The following DNAH3 variants were observed in gnomAD, a reference collection of about 807,000 sequenced individuals.
DNAH3 encodes the protein axonemal beta dynein heavy chain 3.
A neutral mutation model predicts 432.5 loss-of-function variants in DNAH3; 332 were observed. The observed-to-expected ratio is 0.77, with a 90% CI of 0.70 to 0.84. DNAH3 has a LOEUF of 0.84. Ranked by LOEUF, DNAH3 falls within the 40% of genes least tolerant of loss-of-function variation. The pLI is 0.00. For missense variants in DNAH3, 4,861 were observed against 5,114.0 expected (o/e 0.95, Z 1.51); for synonymous variants, 1,956 against 1,900.2 (o/e 1.03, Z -0.76).
At chr16:20,979,301 T>C (rs748553606) in intron 50 of DNAH3, 29 bp downstream of exon 50, 1 of 1,610,780 alleles carries the variant, frequency 6.2e-7, no homozygotes. Flanking sequence ...CGGGCCTCTT[T>C]GTCTCTGTTC....
exon 3 of DNAH3, chr16:21,145,380 C>G (rs572236796): frequency 3.1e-6 from 5 of 1,613,886 alleles, no homozygotes; most frequent in South Asian, 2.2e-5. Flanking sequence ...GCATCAAGGG[C>G]GGGTAAAAGC....
At chr16:20,933,381 G>A in exon 62 of DNAH3, 1 of 1,614,220 alleles carries the variant, frequency 6.2e-7, no homozygotes, top group Non-Finnish European at 8.5e-7. Context: ...GGGTCATAGA[G>A]GATTTTGGGG....
chr16:21,152,493 G>C (rs1055137744), intron 1 of DNAH3, among the ~76,000 whole-genome samples: 35 of 152,370 alleles, frequency 2.3e-4, no homozygotes, highest in African/African-American at 7.0e-4. Flanking sequence ...TCCCACTTTG[G>C]CGGCACTTGA....
At chr16:21,143,030 TC>T (rs2092740598) in intron 3 of DNAH3, among the ~76,000 whole-genome samples, 1 of 152,150 alleles carries the variant, frequency 6.6e-6, no homozygotes, top group Non-Finnish European at 1.5e-5. Flanking sequence ...GCAGAAATCA[TC>T]TCAAGCAAGG....
intron 36 of DNAH3, among the ~76,000 whole-genome samples, chr16:21,031,864 C>T (rs1034737520): frequency 3.9e-5 from 6 of 152,108 alleles, no homozygotes; most frequent in Admixed American, 1.3e-4. Context: ...CCTGTCTCCA[C>T]TAAAAATGCA....
chr16:21,122,324 A>G (rs2092361029), intron 9 of DNAH3, among the ~76,000 whole-genome samples, 200 bp from the exon 11 acceptor site: 1 of 152,024 alleles, frequency 6.6e-6, no homozygotes, highest in Non-Finnish European at 1.5e-5. Flanking sequence ...GGAGGCCGAG[A>G]CAGGTGGATC....
chr16:20,987,610 T>C, intron 46 of DNAH3, 83 bp downstream of exon 46: 1 of 1,565,266 alleles, frequency 6.4e-7, no homozygotes, highest in Non-Finnish European at 8.7e-7. Context: ...CTAATAAAAG[T>C]TAGCTATTAC....
At position 20,954,909 on chromosome 16, in the gene DNAH3, G is replaced by A; in HGVS notation, c.10975C>T (p.Gln3659Ter). ...CACATCACCGCCTTTGCACAGCTTT[G>A]GAAGAACACAGGATCTGAGATGGGG... Residue 3659 changes from glutamine to a stop codon, truncating the protein, a stop_gained, in exon 55 of 62, where the codon CAA (glutamine) becomes TAA (stop). Transcript: ENST00000261383. LOFTEE classifies it high-confidence loss of function. The A allele has an allele frequency of 1.2e-6, 2 of 1,614,136 alleles. No individual in the cohort carries two copies. The highest frequency in any genetic ancestry group is 1.7e-6 in the Non-Finnish European group (2 of 1,180,016).
intron 53 of DNAH3, among the ~76,000 whole-genome samples, chr16:20,961,482 C>T (rs901143735): frequency 2.0e-5 from 3 of 149,318 alleles, no homozygotes; most frequent in Non-Finnish European, 3.0e-5. Context: ...TACCCTAGAA[C>T]GTAAAGTATA....
chr16:21,136,689 C>A (rs1163692377), intron 5 of DNAH3, 176 bp from the exon 7 acceptor site: 3 of 624,616 alleles, frequency 4.8e-6, no homozygotes, highest in African/African-American at 3.7e-5. Context: ...AGATCACTGG[C>A]AAATTTTCCC....
At position 21,069,401 on chromosome 16, in the gene DNAH3, G is replaced by GTA. The variant is rs750059768; in HGVS notation, c.3381+12_3381+13dup. On this transcript the variant is annotated intron_variant, in intron 23 of 61. Coordinates refer to ENST00000261383, the Ensembl canonical transcript of DNAH3. ...ATTTCTGCTGGTAAGAGTTATTAGG[G>GTA]TATAAAAACTTACCGCTTGGGACAT... 1 of 1,608,332 alleles carries GTA rather than the reference G, an allele frequency of 6.2e-7. No homozygotes were observed. Among genetic ancestry groups the GTA allele is most frequent in the Admixed American group, 1.7e-5 (1 of 59,356 alleles).
chr16:21,069,704 T>C lies in DNAH3; in HGVS notation c.3202-110A>G. ...TACATTTATTCATTCATTCAGTCTG[T>C]CACTTGTTTAACAAATACTTATTGA... On this transcript the variant is annotated intron_variant, in intron 22 of 61. Transcript: ENST00000261383. The C allele has an allele frequency of 1.6e-5, 16 of 981,240 alleles. No individual in the cohort carries two copies. The South Asian group carries it at 2.7e-4, about 16-fold the overall frequency. 60.8% of individuals were successfully genotyped at this position (981,240 alleles called of 1,614,324 possible). A position where few individuals can be genotyped will look rare whatever the true frequency, so the allele number is the denominator to read the frequency against.
rs546612320 is a variant in DNAH3 at position 21,000,638 on chromosome 16, C to T, written c.6127-120G>A. ...CCCTTACTATCTTTATGACCTTAGG[C>T]GAGTCTTTAACCTCTCCATGGGCCT... On this transcript the variant is annotated intron_variant, in intron 42 of 61. Transcript: ENST00000261383. The T allele has an allele frequency of 4.7e-5, 42 of 901,678 alleles. No homozygotes were observed. In the Middle Eastern group the frequency reaches 3.9e-3, roughly 83 times the overall value. 55.9% of individuals were successfully genotyped at this position (901,678 alleles called of 1,614,324 possible). A position where few individuals can be genotyped will look rare whatever the true frequency, so the allele number is the denominator to read the frequency against.
At chr16:21,091,326 A>G (rs2091528148) in intron 18 of DNAH3, among the ~76,000 whole-genome samples, 1 of 152,064 alleles carries the variant, frequency 6.6e-6, no homozygotes, top group Admixed American at 6.6e-5. Context: ...AACCCCATAA[A>G]TATACATAAC....
chr16:21,121,025 C>T, intron 10 of DNAH3: 2 of 699,734 alleles, frequency 2.9e-6, no homozygotes, highest in Non-Finnish European at 5.2e-6. Flanking sequence ...AATGCTTGGG[C>T]CTCCTTGCAC....
intron 41 of DNAH3, among the ~76,000 whole-genome samples, chr16:21,018,932 T>G (rs2088000820): frequency 6.6e-6 from 1 of 151,786 alleles, no homozygotes; most frequent in Non-Finnish European, 1.5e-5. Context: ...AAAGAAATAT[T>G]AATACCATAA....
intron 5 of DNAH3, among the ~76,000 whole-genome samples, chr16:21,137,827 T>G (rs1407703331): frequency 6.6e-6 from 1 of 152,218 alleles, no homozygotes; most frequent in East Asian, 1.9e-4. Flanking sequence ...CAGGAAATTT[T>G]GTATATTTAG....
Position 20,982,889 on chromosome 16 carries a change from A to C in DNAH3, c.7691T>G (p.Leu2564Ter). The C allele has an allele frequency of 1.2e-6, 2 of 1,613,712 alleles. No homozygotes were observed. The highest frequency in any genetic ancestry group is 1.7e-6 in the Non-Finnish European group (2 of 1,179,766). The change falls in exon 49 of 62, where the codon TTA becomes TGA. Residue 2564 changes from leucine (L) to a stop codon, truncating the protein, a stop_gained. Transcript: ENST00000261383. LOFTEE classifies it high-confidence loss of function. Reference sequence around the variant, plus strand: ...GGCATCCCCTATTGGACTCATGGCTAATGAAAAGGAGATTTTGTTAATTAC... The same window carrying C: ...GGCATCCCCTATTGGACTCATGGCTCATGAAAAGGAGATTTTGTTAATTAC...
intron 41 of DNAH3, among the ~76,000 whole-genome samples, chr16:21,006,988 C>T (rs999817492): frequency 2.6e-5 from 4 of 152,138 alleles, no homozygotes; most frequent in Non-Finnish European, 1.5e-5. Context: ...GGAAGTGTCA[C>T]AGCCTCTTTT....
Sources: allele counts gnomAD v4.1 joint callset (sites outside exome capture counted in the v4.1 genomes callset), GRCh38; gene constraint gnomAD v4.1.1; transcripts MANE v1.5; gene names NCBI Gene and HGNC (gene_info 2026-07-23, HGNC 2026-07-21).